RNFT1: variants seen among roughly 807,000 people sequenced by gnomAD.
RNFT1 encodes the protein E3 ubiquitin-protein ligase RNFT1.
In RNFT1, 35 loss-of-function variants were observed where a neutral mutation model predicts 53.2. That is an observed-to-expected ratio of 0.66 (90% confidence interval 0.50 to 0.87). The LOEUF is 0.87. RNFT1 is among the 40% of genes least tolerant of loss of function. The pLI is 0.00. For missense variants in RNFT1, 421 were observed against 515.0 expected (o/e 0.82, Z 1.77); for synonymous variants, 141 against 172.8 (o/e 0.82, Z 1.44).
rs746836194 is a variant in RNFT1, at chr17:59,962,637, G to A, written c.515-21C>T. 6 of 1,548,262 alleles carry A rather than the reference G, an allele frequency of 3.9e-6. No homozygotes were observed. In the East Asian group the frequency reaches 1.4e-4, roughly 35 times the overall value. On this transcript the variant is annotated intron_variant, in intron 2 of 8. Transcript: ENST00000305783. ...AATTCCTGTTAGAAAATAAGTTCCA[G>A]TTAATTGAAAGAAAAAAAAATCAAA...
chr17:59,958,454 GA>G lies in RNFT1; in HGVS notation c.693-11del. On this transcript the variant is annotated splice_polypyrimidine_tract_variant and intron_variant, in intron 4 of 8. Transcript: ENST00000305783. ...ATTTAAAAAAATTAAGCTACCAAAA[GA>G]AAAACATCAAAATTTATCAGAGCAA... The G allele has an allele frequency of 1.3e-6, 2 of 1,548,704 alleles. No individual in the cohort carries two copies. Among genetic ancestry groups the G allele is most frequent in the Non-Finnish European group, 1.7e-6 (2 of 1,152,260 alleles).
chr17:59,963,094 T>G lies in RNFT1; in HGVS notation c.247A>C (p.Ile83Leu). 3 of 1,614,248 alleles carry G rather than the reference T, an allele frequency of 1.9e-6. No homozygotes were observed. The highest frequency in any genetic ancestry group is 2.5e-6 in the Non-Finnish European group (3 of 1,180,052). The change falls in exon 2 of 9, where the codon ATA becomes CTA. Residue 83 changes from isoleucine to leucine, a missense_variant. By Grantham distance (5) the Ile-to-Leu change is conservative (BLOSUM62 2). Transcript: ENST00000305783. ...GCACATTCTTTAGGTATGGAGTTTA[T>G]CTGGATATGAACATCTCCAGAATGA... ...CPHSGDVHIQ[I>L]NSIPKECAEN...
chr17:59,957,431 C>T (rs370805016), intron 5 of RNFT1, 49 bp from the exon 6 acceptor site: 2 of 1,417,404 alleles, frequency 1.4e-6, no homozygotes, highest in Admixed American at 4.0e-5. Flanking sequence ...TACTTAACTA[C>T]ATAGCACAAA....
In RNFT1 at chr17:59,952,945, T is replaced by G. The variant is rs1300494715; in HGVS notation, c.*32A>C. ...AGTAGTCATTATGACCAAATGACAT[T>G]AGTATTTTGTGGCCTTGATAGTTTA... On this transcript the variant is annotated 3_prime_UTR_variant, in exon 9 of 9. Transcript: ENST00000305783. 1 of 1,600,956 alleles carries G rather than the reference T, an allele frequency of 6.2e-7. No individual in the cohort carries two copies. The highest frequency in any genetic ancestry group is 1.3e-5 in the African/African-American group (1 of 74,728).
intron 6 of RNFT1, 131 bp downstream of exon 6, chr17:59,957,093 T>C (rs150231220): frequency 1.1e-5 from 10 of 915,822 alleles, no homozygotes; most frequent in African/African-American, 6.9e-5. Flanking sequence ...TAAACAAATA[T>C]AGAACCTGCT....
At chr17:59,961,565 C>T (rs990328415) in intron 3 of RNFT1, among the ~76,000 whole-genome samples, 1 of 151,736 alleles carries the variant, frequency 6.6e-6, no homozygotes, top group Non-Finnish European at 1.5e-5. Context: ...GGAAAAATTC[C>T]TTGGGTTTCA....
Position 59,957,399 on chromosome 17 carries a change from A to C in RNFT1, c.847-17T>G. On this transcript the variant is annotated splice_polypyrimidine_tract_variant and intron_variant, in intron 5 of 8. Coordinates refer to ENST00000305783, the MANE Select transcript of RNFT1 (RefSeq NM_016125.4). ...CCAGTAACCCTAAAAAATAAGAAGAAAACAAATAGAGCTACCCAAACTACT... is the reference window on the plus strand; with the variant it reads ...CCAGTAACCCTAAAAAATAAGAAGACAACAAATAGAGCTACCCAAACTACT... 6.3e-7 allele frequency: 1 copy of C among 1,598,504 alleles called. No homozygotes were observed. Among genetic ancestry groups the C allele is most frequent in the South Asian group, 1.1e-5 (1 of 88,410 alleles).
chr17:59,960,451 A>AG (rs2045282161), intron 3 of RNFT1, among the ~76,000 whole-genome samples: 2 of 147,474 alleles, frequency 1.4e-5, no homozygotes, highest in Admixed American at 1.4e-4. Context: ...AAAAAAAAAA[A>AG]AAAAAGAAAA....
chr17:59,956,222 G>A (rs2045253226), intron 7 of RNFT1, among the ~76,000 whole-genome samples: 1 of 152,134 alleles, frequency 6.6e-6, no homozygotes, highest in Non-Finnish European at 1.5e-5. Flanking sequence ...ATGTCCAGTG[G>A]ATTGAAGAGG....
chr17:59,957,417 A>G, intron 5 of RNFT1, 35 bp from the exon 6 acceptor site: 1 of 1,548,110 alleles, frequency 6.5e-7, no homozygotes. Flanking sequence ...AGAGCTACCC[A>G]AACTACTTAA....
intron 5 of RNFT1, among the ~76,000 whole-genome samples, chr17:59,958,052 T>C (rs758927451): frequency 5.3e-5 from 8 of 152,190 alleles, no homozygotes; most frequent in Non-Finnish European, 1.0e-4. Flanking sequence ...TTCCCACATA[T>C]GATGTGGGGA....
At chr17:59,957,617 G>T (rs190063120) in intron 5 of RNFT1, among the ~76,000 whole-genome samples, 2 of 152,258 alleles carry the variant, frequency 1.3e-5, no homozygotes, top group Admixed American at 1.3e-4. Flanking sequence ...ACTTTGGGAT[G>T]GGCAGATCAC....
chr17:59,960,808 G>A (rs1168923983), intron 3 of RNFT1, among the ~76,000 whole-genome samples: 2 of 151,310 alleles, frequency 1.3e-5, no homozygotes, highest in African/African-American at 2.4e-5. Context: ...GCAAAACACC[G>A]TCTCAGAAAA....
At position 59,957,339 on chromosome 17, in the gene RNFT1, C is replaced by T. The variant is rs758122913; in HGVS notation, c.890G>A (p.Arg297Gln). Residue 297 changes from arginine (R) to glutamine (Q), a missense_variant, in exon 6 of 9, where the codon CGA (arginine) becomes CAA (glutamine). Physicochemically the swap from Arg to Gln is conservative, Grantham distance 43 (BLOSUM62 1). Transcript: ENST00000305783. The stretch of plus-strand genomic sequence containing the variant: ...CCAAACTGGTATGGGAACAAAAGTT[C>T]GGTAGTATTGACACAATTCTTCTAA... The part of the protein sequence containing the change: ...MLLEELCQYY[R>Q]TFVPIPVWFR... The T allele has an allele frequency of 5.9e-5, 96 of 1,613,602 alleles. No individual in the cohort carries two copies. Among genetic ancestry groups the T allele is most frequent in the Non-Finnish European group, 7.0e-5 (83 of 1,179,866 alleles).
chr17:59,955,258 T>C (rs1325033809), intron 7 of RNFT1, among the ~76,000 whole-genome samples: 1 of 152,196 alleles, frequency 6.6e-6, no homozygotes, highest in Non-Finnish European at 1.5e-5. Flanking sequence ...GTCAGGATAC[T>C]GTTAGATGAT....
chr17:59,957,104 A>C, intron 6 of RNFT1, 120 bp downstream of exon 6: 33 of 970,638 alleles, frequency 3.4e-5, no homozygotes, highest in Non-Finnish European at 4.1e-5. Context: ...AGAACCTGCT[A>C]TTACTTCAAA....
chr17:59,955,524 C>G (rs1450368549), intron 7 of RNFT1, among the ~76,000 whole-genome samples: 1 of 152,046 alleles, frequency 6.6e-6, no homozygotes, highest in African/African-American at 2.4e-5. Context: ...CTTACAAGAC[C>G]AATTATAGTA....
In RNFT1 at chr17:59,962,584, A is replaced by G. The variant is rs2045301895; in HGVS notation, c.547T>C (p.Phe183Leu). Residue 183 changes from phenylalanine to leucine, a missense_variant, in exon 3 of 9, where the codon TTT becomes CTT. Transcript: ENST00000305783. ...ISLGIGLLTTFMYANKSIVNQ... is the reference protein window; with the variant it reads ...ISLGIGLLTTLMYANKSIVNQ... Reference sequence around the variant, plus strand: ...ACAATGCTTTTGTTTGCATACATAAAAGTTGTTAGCAGCCCAATTCCAAGA... The same window carrying G: ...ACAATGCTTTTGTTTGCATACATAAGAGTTGTTAGCAGCCCAATTCCAAGA... 2 of 1,606,402 alleles carry G rather than the reference A, an allele frequency of 1.2e-6. No homozygotes were observed. Among genetic ancestry groups the G allele is most frequent in the South Asian group, 1.1e-5 (1 of 89,164 alleles).
chr17:59,955,346 G>A (rs534950873), intron 7 of RNFT1, among the ~76,000 whole-genome samples: 1 of 152,268 alleles, frequency 6.6e-6, no homozygotes, highest in Non-Finnish European at 1.5e-5. Context: ...AAGCTTTTAA[G>A]ACGTTACTCA....
Sources: allele counts gnomAD v4.1 joint callset (sites outside exome capture counted in the v4.1 genomes callset), GRCh38; gene constraint gnomAD v4.1.1; transcripts MANE v1.5; gene names NCBI Gene and HGNC (gene_info 2026-07-23, HGNC 2026-07-21).